Variants in CFAP44 observed in about 807,000 individuals in gnomAD.
CFAP44 encodes the protein cilia- and flagella-associated protein 44.
A neutral mutation model predicts 216.2 loss-of-function variants in CFAP44; 134 were observed. The observed-to-expected ratio is 0.62, with a 90% CI of 0.54 to 0.72. The LOEUF (loss-of-function observed/expected upper bound fraction) is 0.72, where lower values mean the gene tolerates loss of function less well. Among genes scored for constraint, CFAP44 ranks in the 30% least tolerant of loss-of-function variants. CFAP44 has a pLI of 0.00. For synonymous variants in CFAP44, 700 were observed against 727.6 expected (o/e 0.96, Z 0.61); for missense variants, 2,035 against 2,182.1 (o/e 0.93, Z 1.34).
intron 18 of CFAP44, among the ~76,000 whole-genome samples, chr3:113,366,832 C>A (rs1226442528): frequency 6.6e-6 from 1 of 152,158 alleles, no homozygotes; most frequent in Non-Finnish European, 1.5e-5. Flanking sequence ...ACAGACTGTA[C>A]CTGGAAAAAT....
intron 17 of CFAP44, among the ~76,000 whole-genome samples, chr3:113,377,111 A>G (rs1933368047): frequency 6.6e-6 from 1 of 152,228 alleles, no homozygotes; most frequent in African/African-American, 2.4e-5. Flanking sequence ...TTTCTGTGAA[A>G]TGTGAGATGA....
At chr3:113,299,534 T>C (rs2107788949) in intron 32 of CFAP44, among the ~76,000 whole-genome samples, 1 of 152,240 alleles carries the variant, frequency 6.6e-6, no homozygotes, top group South Asian at 2.1e-4. Flanking sequence ...AACAGAGCTA[T>C]CATATGATCC....
In CFAP44 at chr3:113,416,871, C is replaced by T. The variant is rs557156787; in HGVS notation, c.571-244G>A. 2.6e-5 allele frequency among the ~76,000 whole-genome samples: 4 copies of T among 152,218 alleles called. No homozygotes were observed. In the East Asian group the frequency reaches 5.8e-4, roughly 22 times the overall value. On this transcript the variant is annotated intron_variant, in intron 5 of 34. Transcript: ENST00000393845. Reference sequence around the variant, plus strand: ...TCTAACTCTACAATTTCTTTCATTGCCATTGGAAGAGCTAGAACAATGGTT... The same window carrying T: ...TCTAACTCTACAATTTCTTTCATTGTCATTGGAAGAGCTAGAACAATGGTT...
intron 15 of CFAP44, among the ~76,000 whole-genome samples, chr3:113,390,409 A>G (rs569285076): frequency 1.3e-5 from 2 of 152,218 alleles, no homozygotes; most frequent in South Asian, 4.1e-4. Flanking sequence ...GAAGAAATAC[A>G]GAAAGCCTTT....
intron 17 of CFAP44, among the ~76,000 whole-genome samples, chr3:113,377,584 T>A (rs900216654): frequency 1.3e-5 from 2 of 152,132 alleles, no homozygotes; most frequent in Non-Finnish European, 2.9e-5. Context: ...TGATACAGAA[T>A]AAGTAAGTTG....
At chr3:113,411,828 T>C (rs1314162387) in intron 6 of CFAP44, among the ~76,000 whole-genome samples, 3 of 152,154 alleles carry the variant, frequency 2.0e-5, no homozygotes, top group Non-Finnish European at 2.9e-5. Context: ...TGAGCAGTGG[T>C]TTGTAGTTCT....
intron 27 of CFAP44, 67 bp from the exon 28 acceptor site, chr3:113,326,707 C>G (rs958026496): frequency 3.2e-6 from 3 of 935,348 alleles, no homozygotes; most frequent in Non-Finnish European, 4.5e-6. Flanking sequence ...GAGCAATGTA[C>G]TTTACAATAC....
intron 17 of CFAP44, among the ~76,000 whole-genome samples, chr3:113,377,598 T>C (rs6790910): frequency 0.052 from 7,935 of 152,230 alleles, 360 homozygotes; most frequent in African/African-American, 0.12. Context: ...TAAGTTGTCA[T>C]ATTCAGCAAA....
chr3:113,294,834 GA>G lies in CFAP44; in HGVS notation c.5239-14del. 1 of 1,520,972 alleles carries G rather than the reference GA, an allele frequency of 6.6e-7. No homozygotes were observed. The allele number at this position is 1,520,972 out of a possible 1,614,324, so 94.2% of individuals were successfully genotyped here. A position where few individuals can be genotyped will look rare whatever the true frequency, so the allele number is the denominator to read the frequency against. ...GAGCAATCTTTTCCTACCAGGGTGG[GA>G]AGATGCAAAATAGATGTAGTGAATA... On this transcript the variant is annotated splice_polypyrimidine_tract_variant and intron_variant, in intron 33 of 34. Coordinates refer to ENST00000393845, the MANE Select transcript of CFAP44 (RefSeq NM_001164496.2).
At chr3:113,350,288 CAG>C (rs1016294531) in intron 22 of CFAP44, among the ~76,000 whole-genome samples, 1 of 148,704 alleles carries the variant, frequency 6.7e-6, no homozygotes, top group African/African-American at 2.5e-5. Context: ...AAGAAGGAGT[CAG>C]AGAGGAAGAA....
intron 6 of CFAP44, among the ~76,000 whole-genome samples, chr3:113,412,964 G>A (rs1466415358): frequency 6.6e-6 from 1 of 152,118 alleles, no homozygotes; most frequent in Non-Finnish European, 1.5e-5. Context: ...CTTCAACAAT[G>A]GTTGAATTAA....
At chr3:113,399,825 A>G in intron 13 of CFAP44, 81 bp downstream of exon 13, 1 of 938,184 alleles carries the variant, frequency 1.1e-6, no homozygotes, top group Admixed American at 2.9e-5. Context: ...GAGTCAGCAA[A>G]TATCTATATT....
intron 15 of CFAP44, among the ~76,000 whole-genome samples, chr3:113,385,635 T>TTTTG (rs1245088865): frequency 5.9e-5 from 9 of 151,682 alleles, no homozygotes; most frequent in Admixed American, 1.3e-4. Flanking sequence ...TCTTCTGGGG[T>TTTTG]TTTGTTTGTT....
Position 113,305,114 on chromosome 3 carries a change from C to T in CFAP44, c.4797G>A (p.Glu1599=). 3 of 1,537,250 alleles carry T rather than the reference C, an allele frequency of 2.0e-6. No homozygotes were observed. Among genetic ancestry groups the T allele is most frequent in the Non-Finnish European group, 8.7e-7 (1 of 1,146,912 alleles). The stretch of plus-strand genomic sequence containing the variant: ...TCTCTCGCTGATAAGCCTCCAGGGC[C>T]TCCTCTGCTGCATTCAGATTAGTTG... ...IVATNLNAAE[E]ALEAYQREKQ... The change falls in exon 31 of 35, where the codon GAG becomes GAA. Residue 1599 remains glutamate (E), a synonymous_variant. Transcript: ENST00000393845.
chr3:113,400,649 G>GAATA lies in CFAP44; in HGVS notation c.1375-9_1375-6dup, dbSNP rs1934116779. 6.2e-7 allele frequency: 1 copy of GAATA among 1,607,092 alleles called. No homozygotes were observed. The highest frequency in any genetic ancestry group is 1.7e-4 in the Middle Eastern group (1 of 6,040). ...GAGGCATTCTGGGTCCTGGGTCTGA[G>GAATA]AATAGATAGACAGCTTACTAGATCT... On this transcript the variant is annotated splice_polypyrimidine_tract_variant and splice_region_variant and intron_variant, in intron 11 of 34. Transcript: ENST00000393845.
chr3:113,385,668 G>GTCT (rs1933628941), intron 15 of CFAP44, among the ~76,000 whole-genome samples: 1 of 151,940 alleles, frequency 6.6e-6, no homozygotes, highest in South Asian at 2.1e-4. Context: ...TTGAGCTGGG[G>GTCT]TCTTACTCTC....
intron 18 of CFAP44, among the ~76,000 whole-genome samples, chr3:113,368,171 A>G (rs1036648104): frequency 3.9e-5 from 6 of 152,208 alleles, no homozygotes; most frequent in Non-Finnish European, 5.9e-5. Flanking sequence ...ACTCTTCAGG[A>G]TATCATCCAG....
intron 4 of CFAP44, among the ~76,000 whole-genome samples, chr3:113,422,195 T>A (rs1290071386): frequency 6.6e-6 from 1 of 152,186 alleles, no homozygotes; most frequent in Admixed American, 6.5e-5. Flanking sequence ...GATTCTTTGT[T>A]CACAATAATT....
Position 113,420,163 on chromosome 3 carries a change from C to G in CFAP44, c.424G>C (p.Asp142His). 1 of 1,611,138 alleles carries G rather than the reference C, an allele frequency of 6.2e-7. No homozygotes were observed. The highest frequency in any genetic ancestry group is 1.3e-5 in the African/African-American group (1 of 74,916). The part of the protein sequence containing the change: ...LLTLVHSFGY[D>H]CRKRANLQLL... ...TGTAGGTTGGCTCGCTTTCTACAGT[C>G]ATAACCAAAAGAATGTCTGAGGGAA... Residue 142 changes from aspartate (D) to histidine (H), a missense_variant, in exon 5 of 35, where the codon GAC (aspartate) becomes CAC (histidine). By Grantham distance (81) the Asp-to-His change is moderately conservative. Around this residue, in one of 3 missense-constraint regions of CFAP44, gnomAD observed 1,883 missense variants for 2,023.7 expected, o/e 0.93. Coordinates refer to ENST00000393845, the MANE Select transcript of CFAP44 (RefSeq NM_001164496.2).
Sources: gnomAD v4.1 joint callset for allele counts (sites outside exome capture counted in the v4.1 genomes callset) on GRCh38, gnomAD v4.1.1 for gene constraint, gnomAD v4.1.1 regional missense constraint, MANE v1.5 for transcripts, NCBI Gene and HGNC (gene_info 2026-07-23, HGNC 2026-07-21) for gene names.